MCM9: variants seen among roughly 807,000 people sequenced by gnomAD.
MCM9 encodes minichromosome maintenance 9 homologous recombination repair factor.
MCM9 carries 55 observed loss-of-function variants against 72.8 expected under a neutral mutation model. That is an observed-to-expected ratio of 0.76 (90% confidence interval 0.61 to 0.95). The LOEUF (loss-of-function observed/expected upper bound fraction) is 0.95. Ranked by LOEUF, MCM9 falls within the 40% of genes least tolerant of loss-of-function variation. The pLI is 0.00. For synonymous variants in MCM9, 480 were observed against 503.4 expected, an observed-to-expected ratio of 0.95 and a Z score of 0.62; for missense variants, 1,279 against 1,377.0, an observed-to-expected ratio of 0.93 and a Z score of 1.13.
chr6:118,836,692 TC>T (rs1774981883), intron 9 of MCM9, among the ~76,000 whole-genome samples: 1 of 152,192 alleles, frequency 6.6e-6, no homozygotes, highest in Non-Finnish European at 1.5e-5. Context: ...AGTGGTGATA[TC>T]CCCTTTATCA....
intron 8 of MCM9, chr6:118,905,722 G>A: frequency 6.2e-7 from 1 of 1,613,682 alleles, no homozygotes; most frequent in Non-Finnish European, 8.5e-7. Context: ...CTAATTACTT[G>A]TACCTATCGA....
chr6:118,927,055 T>G (rs2114415002), intron 3 of MCM9, among the ~76,000 whole-genome samples: 1 of 152,322 alleles, frequency 6.6e-6, no homozygotes, highest in African/African-American at 2.4e-5. Flanking sequence ...TTCTTTGGGT[T>G]TCTGAAATAT....
chr6:118,853,958 G>A (rs1776395109), intron 9 of MCM9, among the ~76,000 whole-genome samples: 1 of 152,102 alleles, frequency 6.6e-6, no homozygotes, highest in African/African-American at 2.4e-5. Context: ...ATGTATAAAT[G>A]TAGAATAGAT....
chr6:118,857,859 T>C (rs1776663404), intron 8 of MCM9, among the ~76,000 whole-genome samples: 1 of 152,160 alleles, frequency 6.6e-6, no homozygotes, highest in Admixed American at 6.5e-5. Flanking sequence ...GAAAATTAAA[T>C]ATTTAAAAAC....
chr6:118,815,677 C>A lies in MCM9; in HGVS notation c.2579G>T (p.Cys860Phe). 1 of 1,549,212 alleles carries A rather than the reference C, an allele frequency of 6.5e-7. No individual in the cohort carries two copies. Among genetic ancestry groups the A allele is most frequent in the Non-Finnish European group, 8.7e-7 (1 of 1,146,652 alleles). Residue 860 changes from cysteine to phenylalanine, a missense_variant, in exon 14 of 14, where the codon TGC becomes TTC. Cys to Phe is a radical substitution (Grantham distance 205). Transcript: ENST00000619706. ...TGCAGGCACCCTGGTGCTATTTCTGCACAACTTCTGGGCCCTCTCTTTGCA... is the reference window on the plus strand; with the variant it reads ...TGCAGGCACCCTGGTGCTATTTCTGAACAACTTCTGGGCCCTCTCTTTGCA... ...KLCKERAQKL[C>F]RNSTRVPAQC...
At chr6:118,831,282 G>A (rs1256076765) in intron 9 of MCM9, among the ~76,000 whole-genome samples, 1 of 150,826 alleles carries the variant, frequency 6.6e-6, no homozygotes, top group Non-Finnish European at 1.5e-5. Flanking sequence ...AGCCTGGGCG[G>A]TGGAGGCTGC....
chr6:118,896,469 C>T (rs557982218), intron 8 of MCM9, among the ~76,000 whole-genome samples: 249 of 152,240 alleles, frequency 1.6e-3, no homozygotes, highest in African/African-American at 5.6e-3. Flanking sequence ...AGGGCTTTTA[C>T]ATTGCATAGA....
At chr6:118,819,433 T>C (rs993037948) in intron 13 of MCM9, among the ~76,000 whole-genome samples, 8 of 152,188 alleles carry the variant, frequency 5.3e-5, no homozygotes, top group African/African-American at 1.7e-4. Context: ...TGTTGATTTG[T>C]GTATGTTGAA....
intron 8 of MCM9, among the ~76,000 whole-genome samples, chr6:118,886,519 T>C (rs1778614289): frequency 6.7e-6 from 1 of 149,612 alleles, no homozygotes; most frequent in South Asian, 2.1e-4. Flanking sequence ...GACTGACAGA[T>C]ACCAAAAAAA....
chr6:118,919,349 C>A (rs1376005497), intron 5 of MCM9: 1 of 152,188 alleles, frequency 6.6e-6, no homozygotes, highest in Non-Finnish European at 1.5e-5. Context: ...GGGCAAATTA[C>A]CTACCTTTCC....
chr6:118,923,060 A>G lies in MCM9; in HGVS notation c.621+751T>C, dbSNP rs114597760. On this transcript the variant is annotated intron_variant, in intron 4 of 13. Transcript: ENST00000619706. The stretch of plus-strand genomic sequence containing the variant: ...AAAAAAAAAAAAAAAAAAGCAAAGA[A>G]AAGAATGGTTGAATAGAAAGACAGG... Among the ~76,000 whole-genome samples, 1,483 of 151,656 alleles carry G rather than the reference A, an allele frequency of 9.8e-3. 28 individuals are homozygous for G. The highest frequency in any genetic ancestry group is 0.034 in the African/African-American group (1,406 of 41,248).
At chr6:118,920,875 G>C (rs192482269) in intron 5 of MCM9, 1 of 152,162 alleles carries the variant, frequency 6.6e-6, no homozygotes, top group African/African-American at 2.4e-5. Flanking sequence ...CGCAAGAATG[G>C]ACTAACAGCC....
intron 8 of MCM9, among the ~76,000 whole-genome samples, chr6:118,868,923 C>A (rs947875828): frequency 1.1e-4 from 16 of 152,146 alleles, no homozygotes; most frequent in Non-Finnish European, 1.0e-4. Context: ...TGGGTATATA[C>A]CCAAAGGATT....
chr6:118,894,756 C>T (rs534599887), intron 8 of MCM9, among the ~76,000 whole-genome samples: 1 of 151,580 alleles, frequency 6.6e-6, no homozygotes, highest in African/African-American at 2.4e-5. Flanking sequence ...AGCGGAGGAG[C>T]GGAGGTAGCC....
intron 8 of MCM9, among the ~76,000 whole-genome samples, chr6:118,883,489 C>CA (rs1778425239): frequency 6.6e-6 from 1 of 151,832 alleles, no homozygotes; most frequent in Non-Finnish European, 1.5e-5. Context: ...AGAAGCTCAA[C>CA]AAAATCCAAG....
intron 5 of MCM9, chr6:118,920,430 C>G (rs1434611955): frequency 1.3e-5 from 2 of 152,252 alleles, no homozygotes. Flanking sequence ...GTTGAACCCA[C>G]CTAGTCTATG....
In MCM9 at chr6:118,815,744, A is replaced by G. The variant is rs1434150640; in HGVS notation, c.2512T>C (p.Ser838Pro). The G allele has an allele frequency of 6.5e-7, 1 of 1,543,698 alleles. No individual in the cohort carries two copies. ...EAAVSADKPDSVLTHHVPRNL... is the reference protein window; with the variant it reads ...EAAVSADKPDPVLTHHVPRNL... Reference sequence around the variant, plus strand: ...CTGGGGACATGATGAGTCAGTACTGAGTCTGGTTTATCAGCAGAGACTGCT... The same window carrying G: ...CTGGGGACATGATGAGTCAGTACTGGGTCTGGTTTATCAGCAGAGACTGCT... The change falls in exon 14 of 14, where the codon TCA becomes CCA. Residue 838 changes from serine to proline, a missense_variant. By Grantham distance (74) the Ser-to-Pro change is moderately conservative (BLOSUM62 -1). Transcript: ENST00000619706.
chr6:118,861,889 C>T (rs774245504), intron 8 of MCM9, among the ~76,000 whole-genome samples: 3 of 152,216 alleles, frequency 2.0e-5, no homozygotes, highest in Non-Finnish European at 2.9e-5. Context: ...ATGAATCTGC[C>T]TGCTTCCTGC....
At chr6:118,854,169 A>C (rs570611836) in intron 9 of MCM9, among the ~76,000 whole-genome samples, 1 of 152,330 alleles carries the variant, frequency 6.6e-6, no homozygotes, top group African/African-American at 2.4e-5. Context: ...CACATAGAAT[A>C]CAAGCAGTTT....
Sources: gnomAD v4.1 joint callset for allele counts (sites outside exome capture counted in the v4.1 genomes callset) on GRCh38, gnomAD v4.1.1 for gene constraint, MANE v1.5 for transcripts, NCBI Gene and HGNC (gene_info 2026-07-23, HGNC 2026-07-21) for gene names.